The following COX6B1 variants were observed in gnomAD, a reference collection of about 807,000 sequenced individuals.
COX6B1 encodes the protein cytochrome c oxidase subunit 6B1, also known as COX VIb-1.
COX6B1 carries 2 observed loss-of-function variants against 14.0 expected under a neutral mutation model. The ratio of observed to expected loss-of-function variants is 0.14; its 90% CI spans 0.06 to 0.45. The LOEUF is 0.45. Ranked by LOEUF, COX6B1 falls within the 20% of genes least tolerant of loss-of-function variation. The pLI, the probability that COX6B1 is intolerant of heterozygous loss-of-function variation, is 0.98. For synonymous variants in COX6B1, 30 were observed against 39.7 expected (o/e 0.76, Z 0.92); for missense variants, 81 against 114.2 (o/e 0.71, Z 1.33).
chr19:35,657,181 C>G (rs976930544), intron 3 of COX6B1, among the ~76,000 whole-genome samples: 2 of 151,534 alleles, frequency 1.3e-5, no homozygotes, highest in East Asian at 3.9e-4. Flanking sequence ...TCAGTGGGAG[C>G]CCTGAGCTTG....
chr19:35,654,819 T>C, intron 3 of COX6B1, 148 bp downstream of exon 3: 1 of 679,646 alleles, frequency 1.5e-6, no homozygotes, highest in Non-Finnish European at 2.5e-6. Flanking sequence ...TCCTCCCGCC[T>C]AGAATTACCT....
At position 35,658,598 on chromosome 19, in the gene COX6B1, C is replaced by T. The variant is rs376973042; in HGVS notation, c.212C>T (p.Thr71Ile). 165 of 1,613,808 alleles carry T rather than the reference C, an allele frequency of 1.0e-4. No individual in the cohort carries two copies. The highest frequency in any genetic ancestry group is 1.4e-4 in the Non-Finnish European group (162 of 1,179,860). The change falls in exon 4 of 4, where the codon ACA becomes ATA. Residue 71 changes from threonine (T) to isoleucine (I), a missense_variant. Physicochemically the swap from Thr to Ile is moderately conservative, Grantham distance 89. Transcript: ENST00000649813. ...YQSLCPTSWV[T>I]DWDEQRAEGT... The stretch of plus-strand genomic sequence containing the variant: ...AATAACACTGTCTTTCCACAGGTCA[C>T]AGACTGGGATGAGCAACGGGCTGAA...
chr19:35,654,536 T>C, intron 2 of COX6B1, 35 bp from the exon 3 acceptor site: 1 of 1,589,934 alleles, frequency 6.3e-7, no homozygotes, highest in Non-Finnish European at 8.6e-7. Context: ...GTTCCAACTC[T>C]TGATCTGGGC....
chr19:35,656,737 T>C (rs1967892880), intron 3 of COX6B1, among the ~76,000 whole-genome samples: 2 of 152,150 alleles, frequency 1.3e-5, no homozygotes, highest in Admixed American at 1.3e-4. Context: ...TGCTTCGGCC[T>C]CCCAAAGTTC....
intron 1 of COX6B1, among the ~76,000 whole-genome samples, chr19:35,650,247 AC>A (rs374292281): frequency 6.6e-6 from 1 of 151,360 alleles, no homozygotes; most frequent in Non-Finnish European, 1.5e-5. Flanking sequence ...CAGGTGATCC[AC>A]CCCCCTGGCC....
intron 3 of COX6B1, among the ~76,000 whole-genome samples, chr19:35,657,650 A>ATT (rs1192141047): frequency 0.056 from 6,439 of 115,454 alleles, 271 homozygotes; most frequent in African/African-American, 0.1. Flanking sequence ...GGGCCTTTTC[A>ATT]TTTTTTTTTT....
chr19:35,655,088 G>GGCGC (rs893795844), intron 3 of COX6B1, among the ~76,000 whole-genome samples: 5 of 149,984 alleles, frequency 3.3e-5, no homozygotes, highest in African/African-American at 1.2e-4. Flanking sequence ...GGAGTGCAGT[G>GGCGC]GCGCGATCTT....
intron 2 of COX6B1, among the ~76,000 whole-genome samples, chr19:35,652,695 C>T (rs967664063): frequency 3.3e-5 from 5 of 151,938 alleles, no homozygotes; most frequent in Admixed American, 2.6e-4. Flanking sequence ...ATCCACCCAC[C>T]TCAGCCTCCC....
rs933919894 is a variant in COX6B1, at chr19:35,658,703, G to A, written c.*56G>A. 23 of 1,511,388 alleles carry A rather than the reference G, an allele frequency of 1.5e-5. No homozygotes were observed. Among genetic ancestry groups the A allele is most frequent in the Admixed American group, 5.0e-5 (3 of 59,748 alleles). The allele number at this position is 1,511,388 out of a possible 1,614,324, so 93.6% of individuals were successfully genotyped here. ...CATCCTTCTCCCAGGATGGTGAAGG[G>A]GGACCTGGTACCCAGTGATCCCCAC... On this transcript the variant is annotated 3_prime_UTR_variant, in exon 4 of 4. Transcript: ENST00000649813.
chr19:35,657,712 A>G (rs1346093791), intron 3 of COX6B1, among the ~76,000 whole-genome samples: 1 of 136,006 alleles, frequency 7.4e-6, no homozygotes, highest in East Asian at 2.1e-4. Context: ...TGCGGTGTGC[A>G]GTGGTAGCAT....
intron 1 of COX6B1, chr19:35,648,629 G>A (rs1967787966): frequency 2.9e-6 from 1 of 349,184 alleles, no homozygotes; most frequent in Admixed American, 3.8e-5. Context: ...TCTCCCACCA[G>A]CCCTATGAGA....
At chr19:35,651,493 A>G (rs1967824350) in intron 2 of COX6B1, 144 bp downstream of exon 2, 1 of 698,324 alleles carries the variant, frequency 1.4e-6, no homozygotes, top group African/African-American at 1.8e-5. Context: ...CCTGCTGTTC[A>G]GGTCCAGGCT....
intron 3 of COX6B1, 42 bp from the exon 4 acceptor site, chr19:35,658,552 C>G: frequency 6.4e-7 from 1 of 1,570,116 alleles, no homozygotes; most frequent in Middle Eastern, 1.7e-4. Context: ...TCCATCCGTT[C>G]AGTTTCCCCA....
At chr19:35,650,247 A>AC (rs374292281) in intron 1 of COX6B1, among the ~76,000 whole-genome samples, 42 of 151,480 alleles carry the variant, frequency 2.8e-4, no homozygotes, top group African/African-American at 6.5e-4. Context: ...CAGGTGATCC[A>AC]CCCCCCTGGC....
At chr19:35,654,513 A>AT in intron 2 of COX6B1, 58 bp from the exon 3 acceptor site, 1 of 1,551,276 alleles carries the variant, frequency 6.4e-7, no homozygotes, top group South Asian at 1.1e-5. Context: ...ACCTCAAAAA[A>AT]AAAAAAAAAT....
intron 2 of COX6B1, among the ~76,000 whole-genome samples, chr19:35,652,840 C>G (rs1967842159): frequency 6.6e-6 from 1 of 151,848 alleles, no homozygotes; most frequent in Non-Finnish European, 1.5e-5. Context: ...TTCTTGTTGC[C>G]CAAGTTGGAG....
At chr19:35,657,637 T>C (rs1048460550) in intron 3 of COX6B1, among the ~76,000 whole-genome samples, 5 of 150,672 alleles carry the variant, frequency 3.3e-5, no homozygotes, top group Admixed American at 1.3e-4. Flanking sequence ...ATAGGCCTTA[T>C]ATGGGCCTTT....
At chr19:35,650,701 TAAAAA>T (rs1280638953) in intron 1 of COX6B1, among the ~76,000 whole-genome samples, 1 of 146,934 alleles carries the variant, frequency 6.8e-6, no homozygotes, top group Non-Finnish European at 1.5e-5. Context: ...GACTCTGTCT[TAAAAA>T]AAGAAAAAAA....
In COX6B1 at chr19:35,653,195, A is replaced by C. The variant is rs144303821; in HGVS notation, c.107-1376A>C. The stretch of plus-strand genomic sequence containing the variant: ...TTACCATCTTGGCCAGGCTGGTCTT[A>C]AACTCCTGACCTCGTGATCCACCCC... On this transcript the variant is annotated intron_variant, in intron 2 of 3. Transcript: ENST00000649813. Among the ~76,000 whole-genome samples, 535 of 144,760 alleles carry C rather than the reference A, an allele frequency of 3.7e-3. 30 individuals carry two copies. The East Asian group carries it at 0.1, about 27-fold the overall frequency. 95.0% of individuals were successfully genotyped at this position (144,760 alleles called of 152,430 possible).
Sources: gnomAD v4.1 joint callset for allele counts (sites outside exome capture counted in the v4.1 genomes callset) on GRCh38, gnomAD v4.1.1 for gene constraint, MANE v1.5 for transcripts, NCBI Gene and HGNC (gene_info 2026-07-23, HGNC 2026-07-21) for gene names.